The following IMPG2 variants were observed in gnomAD, a reference collection of about 807,000 sequenced individuals.
IMPG2 encodes interphotoreceptor matrix proteoglycan 2.
In IMPG2, 91 loss-of-function variants were observed where a neutral mutation model predicts 129.2. The ratio of observed to expected loss-of-function variants is 0.70; its 90% CI spans 0.59 to 0.84. The LOEUF is 0.84. Among genes scored for constraint, IMPG2 ranks in the 40% least tolerant of loss-of-function variants. IMPG2 has a pLI of 0.00. For missense variants in IMPG2, 1,430 were observed against 1,461.7 expected (o/e 0.98, Z 0.35); for synonymous variants, 510 against 517.7 (o/e 0.99, Z 0.20).
At chr3:101,291,426 C>T (rs1264718011) in intron 4 of IMPG2, 53 bp downstream of exon 4, 1 of 1,474,546 alleles carries the variant, frequency 6.8e-7, no homozygotes, top group South Asian at 1.1e-5. Flanking sequence ...TTGAATTAGG[C>T]TATGACACAT....
chr3:101,231,859 G>A (rs1027782374), intron 15 of IMPG2, among the ~76,000 whole-genome samples: 3 of 152,192 alleles, frequency 2.0e-5, no homozygotes, highest in Admixed American at 6.5e-5. Flanking sequence ...TTTAAGGGGA[G>A]TGGGCAGATG....
chr3:101,295,147 C>A (rs1707065748), intron 3 of IMPG2, among the ~76,000 whole-genome samples: 1 of 152,180 alleles, frequency 6.6e-6, no homozygotes, highest in Non-Finnish European at 1.5e-5. Flanking sequence ...GTCATGAAGT[C>A]TTTGCCCATG....
chr3:101,225,252 T>C lies in IMPG2; in HGVS notation c.*1717A>G, dbSNP rs1706207787. 3 of 152,246 alleles carry C rather than the reference T, an allele frequency of 2.0e-5. No individual in the cohort carries two copies. In the South Asian group the frequency reaches 6.2e-4, roughly 32 times the overall value. The allele number at this position is 152,246 out of a possible 1,614,324, so 9.4% of individuals were successfully genotyped here. A position where few individuals can be genotyped will look rare whatever the true frequency, so the allele number is the denominator to read the frequency against. On this transcript the variant is annotated 3_prime_UTR_variant, in exon 19 of 19. Transcript: ENST00000193391. Reference sequence around the variant, plus strand: ...GTGGAAAGTGTCTAATTATCCAATATTAAGACTAGAACATGTCAATAAAAT... The same window carrying C: ...GTGGAAAGTGTCTAATTATCCAATACTAAGACTAGAACATGTCAATAAAAT...
At chr3:101,256,253 TCA>T (rs1295485468) in intron 10 of IMPG2, among the ~76,000 whole-genome samples, 5 of 150,800 alleles carry the variant, frequency 3.3e-5, no homozygotes, top group Admixed American at 6.6e-5. Flanking sequence ...AGAGATTAAA[TCA>T]CACACAGTAA....
intron 16 of IMPG2, 99 bp from the exon 17 acceptor site, chr3:101,229,689 T>G: frequency 9.8e-7 from 1 of 1,019,196 alleles, no homozygotes. Flanking sequence ...GAAAAACAGG[T>G]GCACTTTACA....
chr3:101,257,206 T>C (rs1394996951), intron 10 of IMPG2, among the ~76,000 whole-genome samples: 6 of 152,152 alleles, frequency 3.9e-5, no homozygotes, highest in Non-Finnish European at 8.8e-5. Context: ...GTCTCGGTTG[T>C]CAGGGAAGTA....
chr3:101,291,425 G>T (rs1223891623), intron 4 of IMPG2, 54 bp downstream of exon 4: 19 of 1,460,774 alleles, frequency 1.3e-5, no homozygotes, highest in Admixed American at 8.4e-5. Flanking sequence ...CTTGAATTAG[G>T]CTATGACACA....
intron 7 of IMPG2, 106 bp downstream of exon 7, chr3:101,273,475 T>G: frequency 8.3e-7 from 1 of 1,210,692 alleles, no homozygotes; most frequent in Admixed American, 2.1e-5. Flanking sequence ...AGGAACCAAG[T>G]AGACAAACAA....
At chr3:101,243,466 GGGA>G (rs1483327627) in intron 13 of IMPG2, 60 bp downstream of exon 13, 2 of 1,408,470 alleles carry the variant, frequency 1.4e-6, no homozygotes, top group Non-Finnish European at 2.0e-6. Flanking sequence ...TGTGCTAGAG[GGGA>G]GGAGGAGTCG....
chr3:101,261,876 C>T (rs1482283586), intron 9 of IMPG2, among the ~76,000 whole-genome samples: 10 of 152,216 alleles, frequency 6.6e-5, no homozygotes, highest in African/African-American at 2.4e-4. Context: ...GAAAGCTGTG[C>T]TGGCTCTCCA....
chr3:101,284,567 A>AG (rs910006529), intron 4 of IMPG2, among the ~76,000 whole-genome samples: 1 of 151,780 alleles, frequency 6.6e-6, no homozygotes, highest in Admixed American at 6.6e-5. Flanking sequence ...ATGAACAACA[A>AG]AAAAAAACAA....
chr3:101,273,593 T>C lies in IMPG2; in HGVS notation c.816A>G (p.Glu272=). The C allele has an allele frequency of 6.2e-7, 1 of 1,613,998 alleles. No individual in the cohort carries two copies. The highest frequency in any genetic ancestry group is 8.5e-7 in the Non-Finnish European group (1 of 1,179,974). The change falls in exon 7 of 19, where the codon GAA becomes GAG. Residue 272 remains glutamate (E), a synonymous_variant. Coordinates refer to ENST00000193391, the MANE Select transcript of IMPG2 (RefSeq NM_016247.4). ...TTTAATCACCCACCTCTGAAATAAA[T>C]TCTTCTTCAAGGTGCTGGTGGTGAA... The part of the protein sequence containing the change: ...SSFHHQHLEE[E]FISEVENAFT...
chr3:101,228,497 T>C (rs527805057), intron 18 of IMPG2, among the ~76,000 whole-genome samples: 6 of 152,282 alleles, frequency 3.9e-5, no homozygotes, highest in South Asian at 4.1e-4. Context: ...AAACAGACAG[T>C]ATCTTAGTTT....
chr3:101,241,547 G>T (rs1706407957), intron 14 of IMPG2, among the ~76,000 whole-genome samples: 1 of 152,192 alleles, frequency 6.6e-6, no homozygotes, highest in African/African-American at 2.4e-5. Context: ...ATGGAGGATG[G>T]ATAGGAGGAG....
At chr3:101,241,468 G>T (rs1486503400) in intron 14 of IMPG2, among the ~76,000 whole-genome samples, 3 of 152,156 alleles carry the variant, frequency 2.0e-5, no homozygotes, top group Non-Finnish European at 4.4e-5. Context: ...GGATATCGGG[G>T]AAGAAGATGG....
At chr3:101,227,838 A>G in intron 18 of IMPG2, 1 of 456,258 alleles carries the variant, frequency 2.2e-6, no homozygotes, top group Admixed American at 2.3e-5. Context: ...TCTCTTACAG[A>G]GGAACCACGA....
At chr3:101,248,838 C>T (rs1355434611) in intron 11 of IMPG2, among the ~76,000 whole-genome samples, 1 of 152,120 alleles carries the variant, frequency 6.6e-6, no homozygotes, top group Non-Finnish European at 1.5e-5. Context: ...GCTGATTATT[C>T]TGTATTTGTC....
intron 10 of IMPG2, among the ~76,000 whole-genome samples, chr3:101,257,201 G>A (rs993022869): frequency 5.3e-5 from 8 of 151,886 alleles, no homozygotes; most frequent in African/African-American, 1.7e-4. Context: ...GTCATGTCTC[G>A]GTTGTCAGGG....
At chr3:101,247,893 T>C (rs1706499250) in intron 11 of IMPG2, among the ~76,000 whole-genome samples, 1 of 152,216 alleles carries the variant, frequency 6.6e-6, no homozygotes, top group Non-Finnish European at 1.5e-5. Flanking sequence ...GAATTCATGC[T>C]ATAGCTATGA....
Sources: allele counts gnomAD v4.1 joint callset (sites outside exome capture counted in the v4.1 genomes callset), GRCh38; gene constraint gnomAD v4.1.1; transcripts MANE v1.5; gene names NCBI Gene and HGNC (gene_info 2026-07-23, HGNC 2026-07-21).